VPS13B: variants seen among roughly 807,000 people sequenced by gnomAD.
VPS13B encodes vacuolar protein sorting 13 homolog B.
VPS13B carries 285 observed loss-of-function variants against 426.4 expected under a neutral mutation model. The ratio of observed to expected loss-of-function variants is 0.67; its 90% CI spans 0.61 to 0.74. The LOEUF (loss-of-function observed/expected upper bound fraction) is 0.74. Ranked by LOEUF, VPS13B falls within the 30% of genes least tolerant of loss-of-function variation. VPS13B has a pLI of 0.00. For synonymous variants in VPS13B, 1,676 were observed against 1,676.4 expected (o/e 1.00, Z 0.01); for missense variants, 4,537 against 4,782.6 (o/e 0.95, Z 1.51).
At chr8:99,064,038 C>T (rs1233656671) in intron 3 of VPS13B, among the ~76,000 whole-genome samples, 2 of 152,192 alleles carry the variant, frequency 1.3e-5, no homozygotes, top group Admixed American at 1.3e-4. Flanking sequence ...GGAAAACTAA[C>T]AAACAGAAAG....
At chr8:99,026,878 T>A (rs140054088) in intron 2 of VPS13B, among the ~76,000 whole-genome samples, 2,317 of 152,260 alleles carry the variant, frequency 0.015, 24 homozygotes, top group Non-Finnish European at 0.018. Flanking sequence ...TTATTTATTT[T>A]TTTTTTCCCC....
chr8:99,139,464 G>A (rs904247107), intron 12 of VPS13B, among the ~76,000 whole-genome samples: 3 of 143,724 alleles, frequency 2.1e-5, no homozygotes, highest in African/African-American at 7.7e-5. Flanking sequence ...TTGAGACCGA[G>A]TCTTCCTCTG....
chr8:99,303,001 C>T (rs559911281), intron 19 of VPS13B, among the ~76,000 whole-genome samples: 2 of 151,122 alleles, frequency 1.3e-5, no homozygotes, highest in South Asian at 2.1e-4. Context: ...TTAGAAGGGC[C>T]GGGTGTGGTG....
chr8:99,133,067 T>G (rs1753014283), intron 8 of VPS13B, among the ~76,000 whole-genome samples: 1 of 152,190 alleles, frequency 6.6e-6, no homozygotes, highest in African/African-American at 2.4e-5. Context: ...AAGCACTGAC[T>G]TTTCCTCTCT....
intron 33 of VPS13B, among the ~76,000 whole-genome samples, chr8:99,615,943 A>AAT (rs1216028287): frequency 5.3e-5 from 8 of 152,080 alleles, no homozygotes; most frequent in Non-Finnish European, 1.0e-4. Context: ...CATAGACATA[A>AAT]ATATATATAT....
chr8:99,089,538 G>C (rs545754394), intron 3 of VPS13B, among the ~76,000 whole-genome samples: 14 of 152,160 alleles, frequency 9.2e-5, no homozygotes, highest in Non-Finnish European at 1.9e-4. Flanking sequence ...TAGGAGGAAG[G>C]GGCTTCCAAG....
At chr8:99,828,394 G>GTTTTTT (rs555108452) in intron 51 of VPS13B, among the ~76,000 whole-genome samples, 253 of 17,402 alleles carry the variant, frequency 0.015, 26 homozygotes, top group East Asian at 0.025. Flanking sequence ...TACAACCACC[G>GTTTTTT]TTTTTTTTTT....
At chr8:99,392,022 T>C (rs1013920455) in intron 21 of VPS13B, among the ~76,000 whole-genome samples, 2 of 152,230 alleles carry the variant, frequency 1.3e-5, no homozygotes, top group African/African-American at 4.8e-5. Context: ...TGCAAGGGTG[T>C]GAGCCCACTT....
intron 39 of VPS13B, among the ~76,000 whole-genome samples, chr8:99,728,538 A>G (rs1456907387): frequency 1.3e-5 from 2 of 152,188 alleles, no homozygotes; most frequent in African/African-American, 4.8e-5. Context: ...CTAATGTGTT[A>G]GACCACATTA....
At position 99,720,878 on chromosome 8, in the gene VPS13B, C is replaced by A. The variant is rs1833104493; in HGVS notation, c.6881C>A (p.Pro2294His). 3 of 1,613,386 alleles carry A rather than the reference C, an allele frequency of 1.9e-6. No individual in the cohort carries two copies. Among genetic ancestry groups the A allele is most frequent in the Non-Finnish European group, 2.5e-6 (3 of 1,179,746 alleles). ...TATTTGACAGAATCTTTGAAATTGC[C>A]TGGGGTCTATGAAGTCTTATTTTAT... The part of the protein sequence containing the change: ...YVQDAESLKL[P>H]GVYEVLFYNE... Residue 2294 changes from proline (P) to histidine (H), a missense_variant, in exon 39 of 62, where the codon CCT (proline) becomes CAT (histidine). By Grantham distance (77) the Pro-to-His change is moderately conservative. Transcript: ENST00000357162.
intron 19 of VPS13B, among the ~76,000 whole-genome samples, chr8:99,332,104 G>A (rs1810575501): frequency 1.3e-5 from 2 of 151,458 alleles, no homozygotes. Flanking sequence ...AATTTAATGG[G>A]GTTTCTTATA....
chr8:99,650,492 A>G (rs1040924328), intron 34 of VPS13B, among the ~76,000 whole-genome samples: 10 of 152,200 alleles, frequency 6.6e-5, no homozygotes, highest in African/African-American at 2.2e-4. Context: ...CTCTGTAGTG[A>G]TGTCCCTTAT....
intron 8 of VPS13B, among the ~76,000 whole-genome samples, chr8:99,124,159 A>G (rs1473607456): frequency 6.6e-6 from 1 of 152,220 alleles, no homozygotes. Context: ...CTGGAAGGTA[A>G]GTACCATAAA....
At chr8:99,535,115 A>G (rs113605622) in intron 30 of VPS13B, among the ~76,000 whole-genome samples, 221 of 152,284 alleles carry the variant, frequency 1.5e-3, no homozygotes, top group African/African-American at 5.0e-3. Flanking sequence ...AGAAGCAGAC[A>G]TCTATTAATT....
chr8:99,709,437 G>A (rs1228362772), intron 36 of VPS13B, among the ~76,000 whole-genome samples: 4 of 152,130 alleles, frequency 2.6e-5, no homozygotes, highest in African/African-American at 9.7e-5. Flanking sequence ...GAGTATTTTA[G>A]AAGTCATGAA....
At chr8:99,612,403 C>A (rs537073876) in intron 33 of VPS13B, among the ~76,000 whole-genome samples, 1 of 152,278 alleles carries the variant, frequency 6.6e-6, no homozygotes, top group South Asian at 2.1e-4. Flanking sequence ...TAAAGTCTCT[C>A]TTATTGAGTG....
chr8:99,668,421 T>G (rs2129851559), intron 35 of VPS13B, among the ~76,000 whole-genome samples: 1 of 152,188 alleles, frequency 6.6e-6, no homozygotes, highest in South Asian at 2.1e-4. Flanking sequence ...CTGCCTAACC[T>G]TAAGCTTTCT....
chr8:99,556,574 G>C lies in VPS13B; in HGVS notation c.4870G>C (p.Glu1624Gln), dbSNP rs1257281144. ...AQWHQLKPEK[E>Q]SVSGGVVTET... ...GTGGCATCAACTAAAACCAGAGAAG[G>C]AAAGTGTCTCAGGAGGGGTGGTAAC... Residue 1624 changes from glutamate (E) to glutamine (Q), a missense_variant, in exon 31 of 62, where the codon GAA becomes CAA. Glu to Gln is a conservative substitution (Grantham distance 29, BLOSUM62 2). Coordinates refer to ENST00000357162, the MANE Select transcript of VPS13B (RefSeq NM_152564.5). The C allele has an allele frequency of 1.2e-6, 2 of 1,613,068 alleles. No homozygotes were observed. Among genetic ancestry groups the C allele is most frequent in the African/African-American group, 1.3e-5 (1 of 74,856 alleles).
At chr8:99,521,861 C>A (rs555496825) in intron 30 of VPS13B, among the ~76,000 whole-genome samples, 2 of 152,116 alleles carry the variant, frequency 1.3e-5, no homozygotes, top group Non-Finnish European at 2.9e-5. Context: ...TTAAATAGAT[C>A]TAGGAACTTT....
Sources: allele counts gnomAD v4.1 joint callset (sites outside exome capture counted in the v4.1 genomes callset), GRCh38; gene constraint gnomAD v4.1.1; transcripts MANE v1.5; gene names NCBI Gene and HGNC (gene_info 2026-07-23, HGNC 2026-07-21).